The following ZNF385D variants were observed in gnomAD, a reference collection of about 807,000 sequenced individuals.
The protein encoded by ZNF385D is zinc finger protein 385D.
A neutral mutation model predicts 35.8 loss-of-function variants in ZNF385D; 15 were observed. That is an observed-to-expected ratio of 0.42 (90% CI 0.28 to 0.64). ZNF385D has a LOEUF of 0.64. Ranked by LOEUF, ZNF385D falls within the 30% of genes least tolerant of loss-of-function variation. The pLI, the probability that ZNF385D is intolerant of heterozygous loss-of-function variation, is 0.23. For missense variants in ZNF385D, 474 were observed against 494.6 expected (o/e 0.96, Z 0.39); for synonymous variants, 212 against 186.8 (o/e 1.13, Z -1.10).
intron 2 of ZNF385D, among the ~76,000 whole-genome samples, chr3:22,297,778 T>G (rs1165122509): frequency 1.3e-5 from 2 of 152,110 alleles, no homozygotes; most frequent in African/African-American, 4.8e-5. Context: ...AAAAATAACA[T>G]AAAAACCTTT....
intron 2 of ZNF385D, among the ~76,000 whole-genome samples, chr3:22,240,690 T>G (rs1457257373): frequency 6.6e-6 from 1 of 150,946 alleles, no homozygotes; most frequent in Non-Finnish European, 1.5e-5. Flanking sequence ...CTTCCTCACA[T>G]CCTTGTCAGG....
chr3:21,638,838 A>G (rs1017597824), intron 2 of ZNF385D, among the ~76,000 whole-genome samples: 1 of 152,086 alleles, frequency 6.6e-6, no homozygotes, highest in Non-Finnish European at 1.5e-5. Flanking sequence ...CTGGAATTTG[A>G]CAAGGAATGT....
At chr3:22,271,428 T>C (rs1701171432) in intron 2 of ZNF385D, among the ~76,000 whole-genome samples, 1 of 151,906 alleles carries the variant, frequency 6.6e-6, no homozygotes, top group South Asian at 2.1e-4. Flanking sequence ...ACAAAACAGT[T>C]TCGAGATAAA....
chr3:22,001,900 A>T (rs1695866527), intron 3 of ZNF385D, among the ~76,000 whole-genome samples: 1 of 152,122 alleles, frequency 6.6e-6, no homozygotes, highest in Non-Finnish European at 1.5e-5. Flanking sequence ...GAAACAAATT[A>T]AAATGGAAAT....
intron 2 of ZNF385D, among the ~76,000 whole-genome samples, chr3:22,277,136 A>G (rs557314791): frequency 6.6e-6 from 1 of 152,108 alleles, no homozygotes. Flanking sequence ...AACTAACTTA[A>G]TAACTCCCAA....
At chr3:21,978,042 G>C (rs761756897) in intron 3 of ZNF385D, among the ~76,000 whole-genome samples, 1 of 152,132 alleles carries the variant, frequency 6.6e-6, no homozygotes, top group Admixed American at 6.5e-5. Context: ...CACTACTAAA[G>C]AATTCATAAA....
chr3:22,349,719 T>C (rs968042798), intron 2 of ZNF385D, among the ~76,000 whole-genome samples: 8 of 152,196 alleles, frequency 5.3e-5, no homozygotes, highest in Admixed American at 5.2e-4. Flanking sequence ...ACAGGACACA[T>C]GAATTTTTAT....
intron 3 of ZNF385D, among the ~76,000 whole-genome samples, chr3:21,936,884 T>C (rs928164701): frequency 6.6e-6 from 1 of 152,202 alleles, no homozygotes; most frequent in African/African-American, 2.4e-5. Flanking sequence ...GGAATAGTTG[T>C]AACTAGGTTA....
intron 3 of ZNF385D, among the ~76,000 whole-genome samples, chr3:21,554,961 T>G (rs1370763751): frequency 6.6e-6 from 1 of 152,168 alleles, no homozygotes; most frequent in Non-Finnish European, 1.5e-5. Flanking sequence ...ACTAGCACTT[T>G]CTCCATATCA....
At chr3:22,175,821 C>A (rs1694790913) in intron 2 of ZNF385D, among the ~76,000 whole-genome samples, 1 of 150,160 alleles carries the variant, frequency 6.7e-6, no homozygotes, top group Non-Finnish European at 1.5e-5. Context: ...ATATATAAAT[C>A]AAATAAACTA....
At chr3:21,610,040 A>G (rs1292125012) in intron 2 of ZNF385D, among the ~76,000 whole-genome samples, 6 of 152,288 alleles carry the variant, frequency 3.9e-5, no homozygotes, top group Admixed American at 2.0e-4. Flanking sequence ...AGCGTGTTTA[A>G]TAAGCCACTA....
At chr3:21,830,727 T>C (rs552267532) in intron 3 of ZNF385D, among the ~76,000 whole-genome samples, 1 of 152,330 alleles carries the variant, frequency 6.6e-6, no homozygotes, top group African/African-American at 2.4e-5. Context: ...GTGATTTCCT[T>C]GGCAAATGTT....
At chr3:22,117,298 CT>C (rs1702862322) in intron 3 of ZNF385D, among the ~76,000 whole-genome samples, 2 of 152,034 alleles carry the variant, frequency 1.3e-5, no homozygotes. Flanking sequence ...AGCAATATAA[CT>C]TCTTAATGTT....
At chr3:22,015,205 C>T (rs765720426) in intron 3 of ZNF385D, among the ~76,000 whole-genome samples, 1 of 152,152 alleles carries the variant, frequency 6.6e-6, no homozygotes, top group African/African-American at 2.4e-5. Context: ...AAGCATTAAA[C>T]ATGATGTCAG....
At chr3:21,976,363 A>G (rs911995808) in intron 3 of ZNF385D, among the ~76,000 whole-genome samples, 8 of 152,234 alleles carry the variant, frequency 5.3e-5, no homozygotes, top group African/African-American at 1.9e-4. Flanking sequence ...TTTGATTAGT[A>G]TCTTCAAATA....
intron 3 of ZNF385D, among the ~76,000 whole-genome samples, chr3:21,806,349 C>T (rs547231672): frequency 1.2e-4 from 18 of 152,036 alleles, no homozygotes; most frequent in African/African-American, 4.1e-4. Context: ...GGACTACAGG[C>T]GCCTGTCACC....
intron 3 of ZNF385D, among the ~76,000 whole-genome samples, chr3:21,818,416 T>C (rs951115351): frequency 6.6e-6 from 1 of 152,184 alleles, no homozygotes; most frequent in Middle Eastern, 3.2e-3. Context: ...AATGGAAAAA[T>C]ATATTAATGA....
At chr3:22,371,976 G>A (rs1480835577) in intron 2 of ZNF385D, among the ~76,000 whole-genome samples, 7 of 152,146 alleles carry the variant, frequency 4.6e-5, no homozygotes, top group African/African-American at 1.4e-4. Context: ...AAGCTGTCCC[G>A]CTGTGTTTCT....
intron 3 of ZNF385D, among the ~76,000 whole-genome samples, chr3:21,891,149 G>C (rs2244454): frequency 0.22 from 33,886 of 151,970 alleles, 3,830 homozygotes; most frequent in Middle Eastern, 0.3. Flanking sequence ...AAAGGATAGA[G>C]GGAAAGTGTT....
Sources: gnomAD v4.1 joint callset for allele counts (sites outside exome capture counted in the v4.1 genomes callset) on GRCh38, gnomAD v4.1.1 for gene constraint, MANE v1.5 for transcripts, NCBI Gene and HGNC (gene_info 2026-07-23, HGNC 2026-07-21) for gene names.